Variants in PPP1R9A observed in about 807,000 individuals in gnomAD.
PPP1R9A encodes protein phosphatase 1 regulatory subunit 9A, also known as neurabin-1.
A neutral mutation model predicts 141.9 loss-of-function variants in PPP1R9A; 59 were observed. The observed-to-expected ratio is 0.42, with a 90% CI of 0.34 to 0.52. The LOEUF (loss-of-function observed/expected upper bound fraction) is 0.52, where lower values mean the gene tolerates loss of function less well. Ranked by LOEUF, PPP1R9A falls within the 20% of genes least tolerant of loss-of-function variation. The pLI, the probability that PPP1R9A is intolerant of heterozygous loss-of-function variation, is 0.10. For missense variants in PPP1R9A, 1,444 were observed against 1,611.9 expected, an observed-to-expected ratio of 0.90 and a Z score of 1.78; for synonymous variants, 500 against 569.7, an observed-to-expected ratio of 0.88 and a Z score of 1.74.
At position 94,910,272 on chromosome 7, in the gene PPP1R9A, GA is replaced by G; in HGVS notation, c.160del (p.Ser54AlafsTer47). 1 of 1,614,122 alleles carries G rather than the reference GA, an allele frequency of 6.2e-7. No individual in the cohort carries two copies. The highest frequency in any genetic ancestry group is 8.5e-7 in the Non-Finnish European group (1 of 1,180,036). On this transcript the variant is annotated frameshift_variant, in exon 2 of 20. Coordinates refer to ENST00000433360, the MANE Select transcript of PPP1R9A (RefSeq NM_001166160.2). LOFTEE classifies it high-confidence loss of function. The surrounding 1 kb of genome is among the most constrained non-coding windows in gnomAD (Gnocchi z 4.5). ...CAAAAGAAGGTGAGGGCTCCCAGCA[GA>G]GCAGGGGGAGGAAATATGGCTCCAA... Reference protein sequence around the residue: ...KTKEGEGSQQSRGRKYGSNVN... With the variant: ...KTKEGEGSQQXRGRKYGSNVN...
intron 2 of PPP1R9A, chr7:95,036,811 C>G (rs749034256): frequency 1.3e-5 from 2 of 152,178 alleles, no homozygotes; most frequent in Non-Finnish European, 2.9e-5. Context: ...TTATTGACCT[C>G]TCCAGTGATC....
chr7:94,940,918 T>C (rs1340282044), intron 2 of PPP1R9A, among the ~76,000 whole-genome samples: 1 of 152,110 alleles, frequency 6.6e-6, no homozygotes, highest in East Asian at 1.9e-4. Context: ...GCTCCCATCT[T>C]TCTGTAAGCT....
intron 5 of PPP1R9A, among the ~76,000 whole-genome samples, chr7:95,194,576 A>C (rs555797278): frequency 6.6e-6 from 1 of 152,250 alleles, no homozygotes; most frequent in South Asian, 2.1e-4. Context: ...ATTCTAGGAA[A>C]TCTGCAAAGG....
At position 95,257,588 on chromosome 7, in the gene PPP1R9A, C is replaced by A. The variant is rs185604507; in HGVS notation, c.2665+5458C>A. On this transcript the variant is annotated intron_variant, in intron 12 of 19. Coordinates refer to ENST00000433360, the MANE Select transcript of PPP1R9A (RefSeq NM_001166160.2). ...TGTGCAGGTTTGTTACATATGTATA[C>A]ATGTGCCATGTTGGTGTGCTGCACC... Among the ~76,000 whole-genome samples the A allele has an allele frequency of 8.4e-4, 127 of 151,834 alleles. 2 individuals are homozygous for A. Among genetic ancestry groups the A allele is most frequent in the African/African-American group, 2.9e-3 (122 of 41,358 alleles).
At chr7:95,062,287 T>C (rs747577093) in intron 2 of PPP1R9A, among the ~76,000 whole-genome samples, 3 of 152,110 alleles carry the variant, frequency 2.0e-5, no homozygotes, top group Non-Finnish European at 2.9e-5. Context: ...CAGTTCACAT[T>C]TGAGATGGCA....
At position 95,047,500 on chromosome 7, in the gene PPP1R9A, T is replaced by C. The variant is rs576204982; in HGVS notation, c.1396-63759T>C. The stretch of plus-strand genomic sequence containing the variant: ...CTTATTGTTTATTCACAGTAAAGAA[T>C]GTTTCTGATACTGCTTTGTTGTAAA... On this transcript the variant is annotated intron_variant, in intron 2 of 19. Coordinates refer to ENST00000433360, the MANE Select transcript of PPP1R9A (RefSeq NM_001166160.2). Among the ~76,000 whole-genome samples the C allele has an allele frequency of 1.0e-3, 152 of 152,342 alleles. No homozygotes were observed. The Middle Eastern group carries it at 0.01, about 10-fold the overall frequency.
chr7:95,115,661 A>C (rs556052883), intron 3 of PPP1R9A, among the ~76,000 whole-genome samples: 2 of 152,184 alleles, frequency 1.3e-5, no homozygotes, highest in Non-Finnish European at 1.5e-5. Context: ...GCTCATGTCT[A>C]TAATCCCAGC....
intron 2 of PPP1R9A, among the ~76,000 whole-genome samples, chr7:95,095,969 G>C (rs1423996647): frequency 2.6e-5 from 4 of 151,970 alleles, no homozygotes; most frequent in Admixed American, 2.6e-4. Flanking sequence ...TAAAATTTTT[G>C]GTTGTACTGT....
chr7:95,185,606 G>GCCAAT (rs1834532980), intron 5 of PPP1R9A, among the ~76,000 whole-genome samples: 1 of 152,046 alleles, frequency 6.6e-6, no homozygotes. Context: ...CTTTGCCTAA[G>GCCAAT]CCAATGTCTA....
chr7:95,097,745 C>G (rs910795831), intron 2 of PPP1R9A, among the ~76,000 whole-genome samples: 2 of 152,170 alleles, frequency 1.3e-5, no homozygotes, highest in Non-Finnish European at 2.9e-5. Flanking sequence ...CTCCTTAGGT[C>G]ACAGTCAGCA....
At chr7:95,270,253 G>A (rs1585561524) in intron 14 of PPP1R9A, among the ~76,000 whole-genome samples, 2 of 152,088 alleles carry the variant, frequency 1.3e-5, no homozygotes, top group South Asian at 4.1e-4. Context: ...AAAATTGCTG[G>A]ATAAACTCTG....
chr7:95,011,042 C>G (rs1004668118), intron 2 of PPP1R9A, among the ~76,000 whole-genome samples: 1 of 152,086 alleles, frequency 6.6e-6, no homozygotes, highest in Admixed American at 6.6e-5. Flanking sequence ...TACATTTGGC[C>G]TAAGTTTAAG....
At chr7:95,080,994 G>A (rs1291032922) in intron 2 of PPP1R9A, among the ~76,000 whole-genome samples, 2 of 152,160 alleles carry the variant, frequency 1.3e-5, no homozygotes, top group East Asian at 1.9e-4. Flanking sequence ...ATATCTGCTT[G>A]TTAACTATTG....
chr7:95,083,214 A>T (rs1384340832), intron 2 of PPP1R9A, among the ~76,000 whole-genome samples: 1 of 151,980 alleles, frequency 6.6e-6, no homozygotes, highest in East Asian at 1.9e-4. Context: ...GTGTATTTTT[A>T]TGGACAGTCA....
chr7:94,960,167 C>G (rs1303204141), intron 2 of PPP1R9A, among the ~76,000 whole-genome samples: 1 of 148,068 alleles, frequency 6.8e-6, no homozygotes, highest in Non-Finnish European at 1.5e-5. Flanking sequence ...TTCTCTCTCT[C>G]TCTTTTTTTT....
intron 2 of PPP1R9A, among the ~76,000 whole-genome samples, chr7:95,086,461 G>A (rs555767523): frequency 1.3e-5 from 2 of 152,110 alleles, no homozygotes; most frequent in South Asian, 4.1e-4. Context: ...ATTTGGAGAA[G>A]AATCTTAACT....
intron 2 of PPP1R9A, among the ~76,000 whole-genome samples, chr7:94,976,005 T>TG (rs1417825080): frequency 1.1e-4 from 16 of 152,198 alleles, no homozygotes; most frequent in Non-Finnish European, 2.2e-4. Context: ...ATTAAGTTTA[T>TG]GTCTCTATAT....
chr7:94,925,912 G>A (rs1045319183), intron 2 of PPP1R9A, among the ~76,000 whole-genome samples: 4 of 151,950 alleles, frequency 2.6e-5, no homozygotes, highest in African/African-American at 9.7e-5. Flanking sequence ...CTACAGCCTC[G>A]ACCTCTGGGC....
At chr7:95,210,634 A>G (rs903288888) in intron 7 of PPP1R9A, among the ~76,000 whole-genome samples, 1 of 152,078 alleles carries the variant, frequency 6.6e-6, no homozygotes, top group African/African-American at 2.4e-5. Context: ...TGACCCAGCA[A>G]TCCAATTGCT....
Sources: gnomAD v4.1 joint callset for allele counts (sites outside exome capture counted in the v4.1 genomes callset) on GRCh38, gnomAD v4.1.1 for gene constraint, Gnocchi (gnomAD v3.1) non-coding constraint, MANE v1.5 for transcripts, NCBI Gene and HGNC (gene_info 2026-07-23, HGNC 2026-07-21) for gene names.